The following DNER variants were observed in gnomAD, a reference collection of about 807,000 sequenced individuals.
DNER encodes the protein delta/notch like EGF repeat containing.
A neutral mutation model predicts 78.2 loss-of-function variants in DNER; 33 were observed. The observed-to-expected ratio is 0.42, with a 90% CI of 0.32 to 0.56. DNER has a LOEUF of 0.56. DNER is among the 20% of genes least tolerant of loss of function. The pLI, the probability that DNER is intolerant of heterozygous loss-of-function variation, is 0.11. For synonymous variants in DNER, 417 were observed against 384.8 expected, an observed-to-expected ratio of 1.08 and a Z score of -0.98; for missense variants, 918 against 975.3, an observed-to-expected ratio of 0.94 and a Z score of 0.78.
At chr2:229,438,151 G>A (rs2106358269) in intron 8 of DNER, among the ~76,000 whole-genome samples, 1 of 152,314 alleles carries the variant, frequency 6.6e-6, no homozygotes. Flanking sequence ...ACAGAAGAAG[G>A]GGGCTCCCTA....
intron 1 of DNER, among the ~76,000 whole-genome samples, chr2:229,678,606 G>A (rs1181742055): frequency 1.3e-5 from 2 of 152,222 alleles, no homozygotes; most frequent in Non-Finnish European, 2.9e-5. Context: ...TGTTGCAAAA[G>A]CTAGACCAGT....
At chr2:229,409,751 G>A (rs1354907921) in intron 9 of DNER, among the ~76,000 whole-genome samples, 3 of 152,090 alleles carry the variant, frequency 2.0e-5, no homozygotes, top group African/African-American at 4.8e-5. Flanking sequence ...AGCAAGACTG[G>A]ACAAAAGCTA....
chr2:229,437,499 T>C (rs986183249), intron 8 of DNER, among the ~76,000 whole-genome samples: 4 of 152,212 alleles, frequency 2.6e-5, no homozygotes, highest in African/African-American at 9.6e-5. Context: ...TAGTGAAGGC[T>C]ACAAGTCCAG....
chr2:229,663,654 A>G (rs1380281673), intron 1 of DNER, among the ~76,000 whole-genome samples: 1 of 152,238 alleles, frequency 6.6e-6, no homozygotes, highest in Non-Finnish European at 1.5e-5. Context: ...ATCTGGTTCC[A>G]TCCTTACATT....
At chr2:229,668,417 T>TTTATATATATATATATATATACAC (rs1699132883) in intron 1 of DNER, among the ~76,000 whole-genome samples, 1 of 11,076 alleles carries the variant, frequency 9.0e-5, no homozygotes, top group Admixed American at 1.7e-3. Context: ...AAAATATTCT[T>TTTATATATATATATATATATACAC]TTATATATAT....
chr2:229,579,812 G>T (rs1403250236), intron 4 of DNER, among the ~76,000 whole-genome samples: 1 of 151,052 alleles, frequency 6.6e-6, no homozygotes, highest in Non-Finnish European at 1.5e-5. Flanking sequence ...TAAACTGTTA[G>T]GCTACAAAAC....
intron 1 of DNER, among the ~76,000 whole-genome samples, chr2:229,641,054 C>T (rs1275208036): frequency 1.3e-5 from 2 of 152,052 alleles, no homozygotes; most frequent in African/African-American, 2.4e-5. Context: ...GCCTTAAAGG[C>T]CCTAGAGGTC....
chr2:229,711,750 C>A (rs984549112), intron 1 of DNER, among the ~76,000 whole-genome samples: 15 of 152,122 alleles, frequency 9.9e-5, no homozygotes, highest in African/African-American at 3.6e-4. Context: ...ATCCAGTGAG[C>A]ACAAGGTTCT....
intron 1 of DNER, among the ~76,000 whole-genome samples, chr2:229,650,639 T>A (rs1180932322): frequency 6.6e-6 from 1 of 152,088 alleles, no homozygotes; most frequent in Non-Finnish European, 1.5e-5. Flanking sequence ...CAAGGGCCCC[T>A]ACACACGGTT....
At chr2:229,370,890 T>C (rs1427174371) in intron 11 of DNER, among the ~76,000 whole-genome samples, 1 of 152,154 alleles carries the variant, frequency 6.6e-6, no homozygotes. Flanking sequence ...ATCAATTGTG[T>C]ATACACAGTG....
At chr2:229,583,660 C>T (rs1329339092) in intron 4 of DNER, among the ~76,000 whole-genome samples, 1 of 152,112 alleles carries the variant, frequency 6.6e-6, no homozygotes, top group African/African-American at 2.4e-5. Flanking sequence ...TGATACCAAA[C>T]AGAAAAACTT....
chr2:229,613,188 T>C (rs1698082196), intron 1 of DNER, among the ~76,000 whole-genome samples: 1 of 152,202 alleles, frequency 6.6e-6, no homozygotes, highest in Admixed American at 6.5e-5. Flanking sequence ...ATTCTATAAA[T>C]ATTGCTTCTA....
At chr2:229,712,202 A>C (rs1699922073) in intron 1 of DNER, among the ~76,000 whole-genome samples, 1 of 152,196 alleles carries the variant, frequency 6.6e-6, no homozygotes, top group South Asian at 2.1e-4. Context: ...AGAAATCTGA[A>C]TCTGTTTTGA....
At chr2:229,568,793 C>T (rs1240965550) in intron 4 of DNER, among the ~76,000 whole-genome samples, 2 of 152,114 alleles carry the variant, frequency 1.3e-5, no homozygotes, top group Non-Finnish European at 2.9e-5. Context: ...AACTCCTACG[C>T]TCAGGCAATC....
At position 229,538,836 on chromosome 2, in the gene DNER, G is replaced by A. The variant is rs183818142; in HGVS notation, c.993+8111C>T. 2.0e-5 allele frequency among the ~76,000 whole-genome samples: 3 copies of A among 152,256 alleles called. No individual in the cohort carries two copies. The East Asian group carries it at 5.8e-4, about 29-fold the overall frequency. ...TTACAGGCGTGAGCCCCCGTGCCCG[G>A]CCCAAGAAAAATAATTTCTTATAAT... is the stretch of plus-strand genomic sequence containing the variant. On this transcript the variant is annotated intron_variant, in intron 5 of 12. Transcript: ENST00000341772.
intron 1 of DNER, among the ~76,000 whole-genome samples, chr2:229,673,612 C>T (rs1447433348): frequency 6.6e-6 from 1 of 152,182 alleles, no homozygotes; most frequent in African/African-American, 2.4e-5. Flanking sequence ...CTTATGTGTT[C>T]CAGTGCACAC....
intron 8 of DNER, among the ~76,000 whole-genome samples, chr2:229,425,115 G>A (rs1693844669): frequency 6.6e-6 from 1 of 152,154 alleles, no homozygotes; most frequent in Admixed American, 6.5e-5. Context: ...GAGGGCTTCT[G>A]CCCTTGTGGG....
At chr2:229,549,685 G>C (rs992119213) in intron 4 of DNER, among the ~76,000 whole-genome samples, 2 of 152,118 alleles carry the variant, frequency 1.3e-5, no homozygotes, top group Non-Finnish European at 2.9e-5. Flanking sequence ...GCAGAAGCGC[G>C]TGGATCATGA....
chr2:229,684,169 AGTGT>A (rs59016911), intron 1 of DNER, among the ~76,000 whole-genome samples: 4,266 of 94,332 alleles, frequency 0.045, 83 homozygotes, highest in African/African-American at 0.077. Flanking sequence ...AGAGAGAGAG[AGTGT>A]GTGTGTGTGT....
Sources: gnomAD v4.1 joint callset for allele counts (sites outside exome capture counted in the v4.1 genomes callset) on GRCh38, gnomAD v4.1.1 for gene constraint, MANE v1.5 for transcripts, NCBI Gene and HGNC (gene_info 2026-07-23, HGNC 2026-07-21) for gene names.